Variants in PARVG observed in about 807,000 individuals in gnomAD.
The protein encoded by PARVG is gamma-parvin.
A neutral mutation model predicts 44.4 loss-of-function variants in PARVG; 36 were observed. The observed-to-expected ratio is 0.81, with a 90% CI of 0.62 to 1.07. The LOEUF is 1.07. Among genes scored for constraint, PARVG ranks in the 50% least tolerant of loss-of-function variants. The pLI, the probability that PARVG is intolerant of heterozygous loss-of-function variation, is 0.00. For missense variants in PARVG, 407 were observed against 407.4 expected (o/e 1.00, Z 0.01); for synonymous variants, 170 against 174.1 (o/e 0.98, Z 0.19).
chr22:44,175,021 C>T (rs1267501174), intron 1 of PARVG, among the ~76,000 whole-genome samples: 2 of 152,216 alleles, frequency 1.3e-5, no homozygotes, highest in Non-Finnish European at 2.9e-5. Context: ...ACTAGGGAGG[C>T]TGAGGCAAGA....
chr22:44,203,018 G>A (rs1018839772), intron 12 of PARVG, among the ~76,000 whole-genome samples: 6 of 152,156 alleles, frequency 3.9e-5, no homozygotes, highest in African/African-American at 9.7e-5. Flanking sequence ...AGCCACACGC[G>A]GAAGAAAAAT....
chr22:44,173,440 A>G (rs2054289545), intron 1 of PARVG, among the ~76,000 whole-genome samples: 1 of 152,178 alleles, frequency 6.6e-6, no homozygotes, highest in African/African-American at 2.4e-5. Context: ...TCCTTGGCAC[A>G]GGTCATAGCA....
chr22:44,194,008 C>G (rs779396897), intron 9 of PARVG, among the ~76,000 whole-genome samples, 185 bp downstream of exon 9: 1 of 152,190 alleles, frequency 6.6e-6, no homozygotes, highest in Non-Finnish European at 1.5e-5. Flanking sequence ...GCTGGCTGCT[C>G]CTTCTCATGA....
In PARVG at chr22:44,206,486, G is replaced by A; in HGVS notation, c.*60G>A. ...CAGCCCAGCTGGAGGGCCCGAGGCT[G>A]CAGGGTGTCCTCCCACAGTCCCGCT... is the stretch of plus-strand genomic sequence containing the variant. On this transcript the variant is annotated 3_prime_UTR_variant, in exon 14 of 14. Transcript: ENST00000444313. 2.0e-6 allele frequency: 3 copies of A among 1,473,472 alleles called. No individual in the cohort carries two copies. Among genetic ancestry groups the A allele is most frequent in the Non-Finnish European group, 2.8e-6 (3 of 1,053,542 alleles). 91.3% of individuals were successfully genotyped at this position (1,473,472 alleles called of 1,614,324 possible).
intron 11 of PARVG, among the ~76,000 whole-genome samples, chr22:44,196,652 G>T (rs2054622867): frequency 6.6e-6 from 1 of 152,182 alleles, no homozygotes; most frequent in Non-Finnish European, 1.5e-5. Flanking sequence ...AGTCACCTCG[G>T]CTGTCACTGC....
rs2054615328 is a variant in PARVG at position 44,196,224 on chromosome 22, T to G, written c.642+11T>G. On this transcript the variant is annotated intron_variant, in intron 10 of 13. Coordinates refer to ENST00000444313, the MANE Select transcript of PARVG (RefSeq NM_022141.7). Reference sequence around the variant, plus strand: ...AACGCAGTGAAAGAGGTAGGAGAGATCAAAGCTCTCAGCGGCTCTCAGGCT... The same window carrying G: ...AACGCAGTGAAAGAGGTAGGAGAGAGCAAAGCTCTCAGCGGCTCTCAGGCT... The G allele has an allele frequency of 6.2e-7, 1 of 1,614,028 alleles. No homozygotes were observed. The highest frequency in any genetic ancestry group is 8.5e-7 in the Non-Finnish European group (1 of 1,180,002).
At chr22:44,173,381 T>C (rs2054288693) in intron 1 of PARVG, among the ~76,000 whole-genome samples, 1 of 152,168 alleles carries the variant, frequency 6.6e-6, no homozygotes, top group Non-Finnish European at 1.5e-5. Flanking sequence ...GGAACCCCTG[T>C]GTGGCGGAGA....
chr22:44,182,909 G>C lies in PARVG; in HGVS notation c.-12-409G>C, dbSNP rs1189550732. Reference sequence around the variant, plus strand: ...GCCAGCCCCACACAGGCCGACCGGGGAGGTTTCCCTTGAGCTCAACCTGAC... The same window carrying C: ...GCCAGCCCCACACAGGCCGACCGGGCAGGTTTCCCTTGAGCTCAACCTGAC... On this transcript the variant is annotated intron_variant, in intron 2 of 13. Coordinates refer to ENST00000444313, the MANE Select transcript of PARVG (RefSeq NM_022141.7). This position sits in a 1 kb window ranked among gnomAD's most constrained non-coding sequence, Gnocchi z 4.6. The C allele has an allele frequency of 5.7e-6, 1 of 176,942 alleles. No individual in the cohort carries two copies. Among genetic ancestry groups the C allele is most frequent in the East Asian group, 1.7e-4 (1 of 5,972 alleles). The allele number at this position is 176,942 out of a possible 1,614,324, so 11.0% of individuals were successfully genotyped here.
intron 9 of PARVG, 175 bp from the exon 10 acceptor site, chr22:44,195,980 C>G: frequency 1.5e-6 from 1 of 656,012 alleles, no homozygotes; most frequent in South Asian, 1.9e-5. Context: ...TGGGGCCACA[C>G]GGCCAGGAGA....
At chr22:44,178,085 T>C (rs2054336082), upstream of PARVG, among the ~76,000 whole-genome samples, 1 of 152,198 alleles carries the variant, frequency 6.6e-6, no homozygotes. Flanking sequence ...ACCATGACTG[T>C]GAGGCCTTCC....
At chr22:44,190,380 G>C (rs2016377015) in intron 6 of PARVG, among the ~76,000 whole-genome samples, 171 bp from the exon 7 acceptor site, 1 of 152,196 alleles carries the variant, frequency 6.6e-6, no homozygotes, top group African/African-American at 2.4e-5. Context: ...ATGGGGTGAA[G>C]TGTGATGATT....
exon 1 of PARVG, chr22:44,173,159 AAGG>A: frequency 7.8e-7 from 1 of 1,283,082 alleles, no homozygotes; most frequent in Non-Finnish European, 1.0e-6. Flanking sequence ...CTGGGACCAC[AAGG>A]AGAAGAGGGC....
At chr22:44,180,724 G>C (rs1382165683), upstream of PARVG, among the ~76,000 whole-genome samples, 1 of 152,158 alleles carries the variant, frequency 6.6e-6, no homozygotes, top group Non-Finnish European at 1.5e-5. Context: ...ATAAATATTA[G>C]CAACAATACC....
At chr22:44,174,147 T>A (rs2054296466) in intron 1 of PARVG, among the ~76,000 whole-genome samples, 1 of 151,800 alleles carries the variant, frequency 6.6e-6, no homozygotes, top group South Asian at 2.1e-4. Flanking sequence ...GAGAAGAGCG[T>A]CCCCTGCCCT....
At chr22:44,201,615 C>T (rs1025620948) in intron 12 of PARVG, among the ~76,000 whole-genome samples, 23 of 152,276 alleles carry the variant, frequency 1.5e-4, no homozygotes, top group Non-Finnish European at 2.8e-4. Context: ...TTCTTCCATT[C>T]GGAGGAGCTG....
intron 12 of PARVG, among the ~76,000 whole-genome samples, chr22:44,200,767 C>T (rs938216282): frequency 3.9e-5 from 6 of 152,204 alleles, no homozygotes; most frequent in Non-Finnish European, 4.4e-5. Flanking sequence ...ATGCTCAGGG[C>T]GTCCTTGGCC....
At chr22:44,174,905 T>C (rs975965421) in intron 1 of PARVG, among the ~76,000 whole-genome samples, 1 of 152,084 alleles carries the variant, frequency 6.6e-6, no homozygotes, top group African/African-American at 2.4e-5. Flanking sequence ...GTGGATCACC[T>C]GAGGTCAGGA....
At chr22:44,183,036 C>T in intron 2 of PARVG, 2 of 439,364 alleles carry the variant, frequency 4.6e-6, no homozygotes, top group South Asian at 2.9e-5. Context: ...TGGGCGGCCG[C>T]TCTGCACCTG....
chr22:44,181,675 A>G (rs2054380577), intron 1 of PARVG, 67 bp from the exon 2 acceptor site: 1 of 979,904 alleles, frequency 1.0e-6, no homozygotes, highest in South Asian at 4.7e-5. Flanking sequence ...GGCTCCGGGC[A>G]GAGCTTTCTG....
Sources: allele counts gnomAD v4.1 joint callset (sites outside exome capture counted in the v4.1 genomes callset), GRCh38; gene constraint gnomAD v4.1.1; non-coding constraint Gnocchi (gnomAD v3.1); transcripts MANE v1.5; gene names NCBI Gene and HGNC (gene_info 2026-07-23, HGNC 2026-07-21).